The following NSMCE2 variants were observed in gnomAD, a reference collection of about 807,000 sequenced individuals.
The protein encoded by NSMCE2 is NSE2 SUMO ligase component of SMC5/6 complex.
In NSMCE2, 24 loss-of-function variants were observed where a neutral mutation model predicts 23.8. That is an observed-to-expected ratio of 1.01 (90% CI 0.73 to 1.42). The LOEUF is 1.42. Ranked by LOEUF, NSMCE2 falls within the 40% of genes most tolerant of loss-of-function variation. The pLI is 0.00. For missense variants in NSMCE2, 284 were observed against 296.5 expected (o/e 0.96, Z 0.31); for synonymous variants, 92 against 94.1 (o/e 0.98, Z 0.13).
chr8:125,277,869 CTG>C (rs1207718494), intron 5 of NSMCE2, among the ~76,000 whole-genome samples: 1 of 152,176 alleles, frequency 6.6e-6, no homozygotes, highest in Non-Finnish European at 1.5e-5. Flanking sequence ...TCATAGAAAA[CTG>C]TAAATTAAAT....
chr8:125,287,679 C>T (rs534608748), intron 5 of NSMCE2, among the ~76,000 whole-genome samples: 2 of 152,210 alleles, frequency 1.3e-5, no homozygotes, highest in South Asian at 2.1e-4. Flanking sequence ...GAGATTGTCC[C>T]GTGTCTAGCT....
intron 5 of NSMCE2, among the ~76,000 whole-genome samples, chr8:125,302,951 A>G (rs1385856563): frequency 6.6e-6 from 1 of 152,158 alleles, no homozygotes; most frequent in Admixed American, 6.5e-5. Context: ...CACCACACAC[A>G]CATTTTCCCC....
At chr8:125,175,245 G>A (rs1822426334) in intron 4 of NSMCE2, among the ~76,000 whole-genome samples, 1 of 152,098 alleles carries the variant, frequency 6.6e-6, no homozygotes, top group African/African-American at 2.4e-5. Flanking sequence ...ATGTCTTGGT[G>A]CTTAGCATAA....
At chr8:125,270,420 G>A (rs566166066) in intron 5 of NSMCE2, among the ~76,000 whole-genome samples, 20 of 152,052 alleles carry the variant, frequency 1.3e-4, no homozygotes, top group African/African-American at 1.7e-4. Flanking sequence ...AGCCGAGATC[G>A]CACCACTGCA....
At chr8:125,130,782 T>C (rs1819736885) in intron 3 of NSMCE2, among the ~76,000 whole-genome samples, 1 of 152,240 alleles carries the variant, frequency 6.6e-6, no homozygotes. Flanking sequence ...AACGCTAATC[T>C]AGTGCTGCGT....
At chr8:125,176,510 A>G (rs1046164832) in intron 4 of NSMCE2, among the ~76,000 whole-genome samples, 3 of 151,794 alleles carry the variant, frequency 2.0e-5, no homozygotes, top group African/African-American at 7.3e-5. Context: ...ATTCATTTCC[A>G]TGGTTTCCAT....
Position 125,357,298 on chromosome 8 carries a change from C to A in NSMCE2, c.498C>A (p.Asn166Lys), listed in dbSNP as rs1813323261. The A allele has an allele frequency of 6.2e-7, 1 of 1,607,996 alleles. No homozygotes were observed. The highest frequency in any genetic ancestry group is 8.5e-7 in the Non-Finnish European group (1 of 1,174,446). The change falls in exon 6 of 8, where the codon AAC (asparagine) becomes AAA (lysine). Residue 166 changes from asparagine to lysine, a missense_variant. Physicochemically the swap from Asn to Lys is moderately conservative, Grantham distance 94. This residue lies in a region of NSMCE2 where 102 missense variants were observed against 141.0 expected (regional missense o/e 0.72). Coordinates refer to ENST00000287437, the MANE Select transcript of NSMCE2 (RefSeq NM_173685.4). ...EDIIVTQSQT[N>K]FTCPITKEEM... ...TAATTGTGACCCAAAGTCAGACCAA[C>A]TTCACCTGCCCCATTACAAAGGTAC... is the stretch of plus-strand genomic sequence containing the variant.
At chr8:125,098,082 T>G (rs928681616) in intron 1 of NSMCE2, among the ~76,000 whole-genome samples, 5 of 152,140 alleles carry the variant, frequency 3.3e-5, no homozygotes, top group African/African-American at 1.2e-4. Flanking sequence ...AATTCTTGGA[T>G]CAGCAAAATC....
chr8:125,247,724 C>CAAAAA (rs35494894), intron 5 of NSMCE2, among the ~76,000 whole-genome samples: 1 of 112,988 alleles, frequency 8.9e-6, no homozygotes, highest in Admixed American at 9.1e-5. Flanking sequence ...AATTCTGTCT[C>CAAAAA]AAAAAAAAAA....
chr8:125,365,550 C>T (rs1813744769), intron 7 of NSMCE2, among the ~76,000 whole-genome samples: 1 of 152,098 alleles, frequency 6.6e-6, no homozygotes, highest in South Asian at 2.1e-4. Flanking sequence ...AGTGTTTTGT[C>T]TTCATATTTA....
intron 5 of NSMCE2, among the ~76,000 whole-genome samples, chr8:125,270,081 A>T (rs1827115406): frequency 6.6e-6 from 1 of 152,216 alleles, no homozygotes; most frequent in South Asian, 2.1e-4. Flanking sequence ...GAAGAGAGAG[A>T]GTGTAGCTAG....
At chr8:125,170,551 G>A (rs1037723525) in intron 4 of NSMCE2, among the ~76,000 whole-genome samples, 12 of 151,512 alleles carry the variant, frequency 7.9e-5, no homozygotes, top group Non-Finnish European at 1.6e-4. Context: ...GGATTTACAG[G>A]CATGTGCCAC....
chr8:125,244,573 C>T (rs1179641137), intron 5 of NSMCE2, among the ~76,000 whole-genome samples: 7 of 152,124 alleles, frequency 4.6e-5, no homozygotes, highest in African/African-American at 7.2e-5. Flanking sequence ...TCCAAAGGTA[C>T]ATCTTTAAAA....
intron 6 of NSMCE2, 34 bp downstream of exon 6, chr8:125,357,353 A>G (rs1813326329): frequency 7.5e-7 from 1 of 1,334,862 alleles, no homozygotes; most frequent in South Asian, 1.2e-5. Context: ...TGAAAGAAAC[A>G]CGATTCACTT....
intron 5 of NSMCE2, among the ~76,000 whole-genome samples, chr8:125,291,466 T>C (rs1442185692): frequency 6.6e-6 from 1 of 152,218 alleles, no homozygotes; most frequent in Non-Finnish European, 1.5e-5. Context: ...TTCTATGAGC[T>C]GGTCAATGAT....
intron 5 of NSMCE2, among the ~76,000 whole-genome samples, chr8:125,296,870 AT>A (rs1308515655): frequency 3.3e-5 from 5 of 152,150 alleles, no homozygotes; most frequent in African/African-American, 1.2e-4. Flanking sequence ...GAATTTGCTA[AT>A]TTTTTTCTCT....
At chr8:125,167,770 T>A (rs1268617081) in intron 4 of NSMCE2, among the ~76,000 whole-genome samples, 6 of 152,328 alleles carry the variant, frequency 3.9e-5, no homozygotes, top group Admixed American at 2.6e-4. Flanking sequence ...AAGATTTTTT[T>A]TTTTTATTTT....
At chr8:125,341,547 GT>G (rs1296996306) in intron 5 of NSMCE2, among the ~76,000 whole-genome samples, 1 of 152,014 alleles carries the variant, frequency 6.6e-6, no homozygotes, top group Non-Finnish European at 1.5e-5. Context: ...TCCTTATGTG[GT>G]TTTTGTTACT....
chr8:125,244,067 A>T (rs1362996781), intron 5 of NSMCE2, among the ~76,000 whole-genome samples: 1 of 152,210 alleles, frequency 6.6e-6, no homozygotes, highest in Non-Finnish European at 1.5e-5. Flanking sequence ...AATTGTGACT[A>T]GCAGTTGTTA....
Sources: allele counts gnomAD v4.1 joint callset (sites outside exome capture counted in the v4.1 genomes callset), GRCh38; gene constraint gnomAD v4.1.1; regional missense constraint gnomAD v4.1.1; transcripts MANE v1.5; gene names NCBI Gene and HGNC (gene_info 2026-07-23, HGNC 2026-07-21).